The following AP3B1 variants were observed in gnomAD, a reference collection of about 807,000 sequenced individuals.
AP3B1 encodes the protein adaptor related protein complex 3 subunit beta 1, also known as AP-3 complex subunit beta-1.
AP3B1 carries 61 observed loss-of-function variants against 132.5 expected under a neutral mutation model. That is an observed-to-expected ratio of 0.46 (90% CI 0.37 to 0.57). The LOEUF (loss-of-function observed/expected upper bound fraction) is 0.57, where lower values mean the gene tolerates loss of function less well. Among genes scored for constraint, AP3B1 ranks in the 20% least tolerant of loss-of-function variants. AP3B1 has a pLI of 0.00. For synonymous variants in AP3B1, 388 were observed against 438.3 expected (o/e 0.89, Z 1.43); for missense variants, 1,120 against 1,289.4 (o/e 0.87, Z 2.01).
At chr5:78,185,880 C>CA (rs1374288139) in intron 7 of AP3B1, among the ~76,000 whole-genome samples, 1 of 150,972 alleles carries the variant, frequency 6.6e-6, no homozygotes, top group Non-Finnish European at 1.5e-5. Flanking sequence ...TAAAAAATTT[C>CA]AAAAAAATAG....
intron 3 of AP3B1, among the ~76,000 whole-genome samples, chr5:78,237,800 G>T (rs970531986): frequency 3.9e-5 from 6 of 152,120 alleles, no homozygotes; most frequent in Admixed American, 3.3e-4. Context: ...GCAACACAGC[G>T]AGACCCTGTC....
At chr5:78,212,598 T>A (rs1745787117) in intron 7 of AP3B1, among the ~76,000 whole-genome samples, 1 of 152,126 alleles carries the variant, frequency 6.6e-6, no homozygotes, top group Non-Finnish European at 1.5e-5. Flanking sequence ...AATGGAGGGC[T>A]AGAGTGAAGA....
chr5:78,202,372 C>A (rs750346158), intron 7 of AP3B1, among the ~76,000 whole-genome samples: 13 of 152,110 alleles, frequency 8.5e-5, no homozygotes, highest in African/African-American at 3.1e-4. Flanking sequence ...TATTACAACT[C>A]CCCATCCCCC....
chr5:78,215,439 T>A (rs535225064), intron 7 of AP3B1, among the ~76,000 whole-genome samples: 1 of 151,808 alleles, frequency 6.6e-6, no homozygotes, highest in African/African-American at 2.4e-5. Flanking sequence ...AAGGCATACT[T>A]AAAAAAAAGA....
chr5:78,283,463 CTAAG>C (rs1580592086), intron 1 of AP3B1, among the ~76,000 whole-genome samples: 1 of 152,044 alleles, frequency 6.6e-6, no homozygotes, highest in African/African-American at 2.4e-5. Flanking sequence ...TCTTAGTTTT[CTAAG>C]TAAGTTCCAA....
At chr5:78,081,954 A>C (rs971125297) in intron 22 of AP3B1, among the ~76,000 whole-genome samples, 8 of 152,004 alleles carry the variant, frequency 5.3e-5, no homozygotes, top group African/African-American at 1.9e-4. Context: ...TTTGGCGTGC[A>C]GTGACTTCTG....
intron 22 of AP3B1, among the ~76,000 whole-genome samples, chr5:78,060,807 C>T (rs571590308): frequency 2.6e-5 from 4 of 152,148 alleles, no homozygotes; most frequent in East Asian, 1.9e-4. Context: ...GTACCATAAT[C>T]CCTAAAGTTT....
chr5:78,043,844 T>C (rs1748202304), intron 22 of AP3B1: 1 of 365,512 alleles, frequency 2.7e-6, no homozygotes, highest in Non-Finnish European at 5.4e-6. Flanking sequence ...ACACCCTGAC[T>C]TTGGTAGACA....
intron 17 of AP3B1, among the ~76,000 whole-genome samples, chr5:78,125,221 A>C (rs1169529717): frequency 1.3e-5 from 2 of 152,260 alleles, no homozygotes; most frequent in African/African-American, 4.8e-5. Flanking sequence ...ATTATTAACT[A>C]AGGATCTTCA....
At chr5:78,279,129 G>GTT (rs929124950) in intron 1 of AP3B1, among the ~76,000 whole-genome samples, 1 of 152,066 alleles carries the variant, frequency 6.6e-6, no homozygotes, top group African/African-American at 2.4e-5. Context: ...ATATATGATC[G>GTT]TTTAATTTTT....
At chr5:78,122,878 C>T (rs181132405) in intron 17 of AP3B1, among the ~76,000 whole-genome samples, 23 of 152,230 alleles carry the variant, frequency 1.5e-4, no homozygotes, top group Middle Eastern at 3.4e-3. Context: ...AGAAAGAGTC[C>T]GCATCGCCAA....
chr5:78,233,892 T>G (rs1483805486), intron 3 of AP3B1, among the ~76,000 whole-genome samples: 1 of 152,126 alleles, frequency 6.6e-6, no homozygotes, highest in Non-Finnish European at 1.5e-5. Flanking sequence ...TCCGCAGATA[T>G]TTCTATTAAG....
intron 1 of AP3B1, among the ~76,000 whole-genome samples, chr5:78,278,922 AT>A (rs777150386): frequency 3.9e-5 from 6 of 152,110 alleles, no homozygotes; most frequent in Admixed American, 2.0e-4. Context: ...GAATAGTCTC[AT>A]CCCCAAGCCA....
intron 20 of AP3B1, among the ~76,000 whole-genome samples, chr5:78,102,710 T>G (rs142559880): frequency 4.7e-4 from 72 of 152,286 alleles, no homozygotes; most frequent in African/African-American, 1.6e-3. Context: ...GCACAATGGG[T>G]GTAGCTTCCT....
At chr5:78,151,831 C>T (rs1265210826) in intron 14 of AP3B1, among the ~76,000 whole-genome samples, 2 of 119,040 alleles carry the variant, frequency 1.7e-5, no homozygotes, top group Non-Finnish European at 3.6e-5. Flanking sequence ...TCCTTCCTTC[C>T]CTCCCCTCCC....
At chr5:78,285,492 C>T (rs867852077) in intron 1 of AP3B1, among the ~76,000 whole-genome samples, 13 of 152,172 alleles carry the variant, frequency 8.5e-5, no homozygotes, top group African/African-American at 3.1e-4. Context: ...CACTCACTTC[C>T]TCAGTGTCTC....
At chr5:78,032,039 A>G (rs1396534291) in intron 24 of AP3B1, among the ~76,000 whole-genome samples, 2 of 152,188 alleles carry the variant, frequency 1.3e-5, no homozygotes, top group Non-Finnish European at 2.9e-5. Flanking sequence ...TTTGATCTCA[A>G]TAAATTTAAT....
chr5:78,288,646 G>C (rs1206335873), intron 1 of AP3B1, among the ~76,000 whole-genome samples: 2 of 152,170 alleles, frequency 1.3e-5, no homozygotes, highest in Non-Finnish European at 2.9e-5. Flanking sequence ...ATTGGCTAAT[G>C]AGAGAGCAAA....
At chr5:78,025,104 A>G (rs529054573) in intron 24 of AP3B1, among the ~76,000 whole-genome samples, 1 of 152,336 alleles carries the variant, frequency 6.6e-6, no homozygotes, top group South Asian at 2.1e-4. Flanking sequence ...ACTTCTACAG[A>G]GTACATACTC....
Sources: allele counts gnomAD v4.1 joint callset (sites outside exome capture counted in the v4.1 genomes callset), GRCh38; gene constraint gnomAD v4.1.1; transcripts MANE v1.5; gene names NCBI Gene and HGNC (gene_info 2026-07-23, HGNC 2026-07-21).